EGFR: variants seen among roughly 807,000 people sequenced by gnomAD.
EGFR encodes avian erythroblastic leukemia viral (v-erb-b) oncogene homolog.
A neutral mutation model predicts 143.0 loss-of-function variants in EGFR; 58 were observed. The ratio of observed to expected loss-of-function variants is 0.41; its 90% CI spans 0.33 to 0.50. The LOEUF (loss-of-function observed/expected upper bound fraction) is 0.50, where lower values mean the gene tolerates loss of function less well. EGFR is among the 20% of genes least tolerant of loss of function. The pLI is 0.39. For synonymous variants in EGFR, 613 were observed against 594.4 expected (o/e 1.03, Z -0.45); for missense variants, 1,307 against 1,579.0 (o/e 0.83, Z 2.92).
At position 55,187,119 on chromosome 7, in the gene EGFR, G is replaced by T. The variant is rs1787173000; in HGVS notation, c.2470-4600G>T. On this transcript the variant is annotated intron_variant, in intron 20 of 27. Transcript: ENST00000275493. ...GCTGAGGACAGGGAGGAAACCACCA[G>T]ATAAGGGACACTGGGGAGGAGGGGT... Among the ~76,000 whole-genome samples the T allele has an allele frequency of 3.9e-5, 6 of 152,326 alleles. No homozygotes were observed. The South Asian group carries it at 1.2e-3, about 32-fold the overall frequency.
chr7:55,191,900 A>G, intron 21 of EGFR, 26 bp downstream of exon 21: 1 of 1,612,268 alleles, frequency 6.2e-7, no homozygotes. Flanking sequence ...TAGGTCAGCC[A>G]GCATTTTCCT....
At chr7:55,124,277 G>A (rs1032591930) in intron 1 of EGFR, among the ~76,000 whole-genome samples, 3 of 152,114 alleles carry the variant, frequency 2.0e-5, no homozygotes, top group African/African-American at 7.2e-5. Flanking sequence ...TTATTGATAT[G>A]AGTATATTTC....
chr7:55,187,042 G>A (rs755956622), intron 20 of EGFR, among the ~76,000 whole-genome samples: 17 of 152,168 alleles, frequency 1.1e-4, no homozygotes, highest in Admixed American at 1.3e-4. Context: ...AGTTGGCTGC[G>A]GACAGGGCGT....
chr7:55,164,199 A>G (rs547212749), intron 14 of EGFR, among the ~76,000 whole-genome samples: 6 of 152,366 alleles, frequency 3.9e-5, no homozygotes, highest in Admixed American at 2.6e-4. Flanking sequence ...AGAATTTTTA[A>G]AGAAATTGCT....
chr7:55,204,650 A>ACACCACACACACG (rs1788032553), intron 27 of EGFR, among the ~76,000 whole-genome samples: 1 of 138,804 alleles, frequency 7.2e-6, no homozygotes, highest in Non-Finnish European at 1.6e-5. Context: ...ATACATACAC[A>ACACCACACACACG]TACACACACC....
chr7:55,147,430 T>C (rs1183764551), intron 4 of EGFR, among the ~76,000 whole-genome samples: 1 of 151,276 alleles, frequency 6.6e-6, no homozygotes, highest in Non-Finnish European at 1.5e-5. Context: ...TTCTTTAGAG[T>C]AAGAAGTGAT....
intron 1 of EGFR, among the ~76,000 whole-genome samples, chr7:55,044,748 C>A (rs888193832): frequency 6.6e-6 from 1 of 152,204 alleles, no homozygotes; most frequent in African/African-American, 2.4e-5. Flanking sequence ...TCCTAAAATA[C>A]AATAATTTCT....
intron 1 of EGFR, among the ~76,000 whole-genome samples, chr7:55,127,362 A>G (rs1378349091): frequency 6.6e-6 from 1 of 152,184 alleles, no homozygotes; most frequent in Non-Finnish European, 1.5e-5. Flanking sequence ...AGTAATTCTA[A>G]AAATTGATGC....
At chr7:55,153,934 AC>A in intron 6 of EGFR, 76 bp from the exon 7 acceptor site, 1 of 1,606,346 alleles carries the variant, frequency 6.2e-7, no homozygotes, top group Non-Finnish European at 8.5e-7. Flanking sequence ...GGGAGTCAAC[AC>A]CGTGCTGCGC....
At chr7:55,125,898 T>G (rs927200558) in intron 1 of EGFR, among the ~76,000 whole-genome samples, 1 of 152,230 alleles carries the variant, frequency 6.6e-6, no homozygotes, top group African/African-American at 2.4e-5. Context: ...CTCAGTGCCT[T>G]TCAAATGAAA....
In EGFR at chr7:55,181,364, C is replaced by G. The variant is rs148188503; in HGVS notation, c.2355C>G (p.Thr785=). ...CRLLGICLTS[T]VQLITQLMPF... ...TGCTGGGCATCTGCCTCACCTCCAC[C>G]GTGCAGCTCATCACGCAGCTCATGC... Residue 785 remains threonine, a synonymous_variant, in exon 20 of 28, where the codon ACC becomes ACG. Transcript: ENST00000275493. The G allele has an allele frequency of 6.2e-7, 1 of 1,614,226 alleles. No homozygotes were observed. The highest frequency in any genetic ancestry group is 1.1e-5 in the South Asian group (1 of 91,086).
At chr7:55,204,231 TACACACACACC>T (rs1562809230) in intron 27 of EGFR, among the ~76,000 whole-genome samples, 1 of 128,520 alleles carries the variant, frequency 7.8e-6, no homozygotes, top group South Asian at 2.7e-4. Context: ...TACACAAACG[TACACACACACC>T]ACACACACAT....
chr7:55,178,037 CT>C (rs1786678446), intron 19 of EGFR, among the ~76,000 whole-genome samples: 1 of 152,198 alleles, frequency 6.6e-6, no homozygotes, highest in Non-Finnish European at 1.5e-5. Context: ...GCTCCAGGCT[CT>C]GTGTGGCCGA....
At chr7:55,192,886 C>G (rs1787463366) in intron 22 of EGFR, 45 bp downstream of exon 22, 2 of 1,567,460 alleles carry the variant, frequency 1.3e-6, no homozygotes, top group African/African-American at 2.7e-5. Context: ...TGAGGCCAAG[C>G]TGGCTTTTAT....
chr7:55,093,611 A>C (rs796800430), intron 1 of EGFR, among the ~76,000 whole-genome samples: 1 of 152,210 alleles, frequency 6.6e-6, no homozygotes, highest in Non-Finnish European at 1.5e-5. Flanking sequence ...TTTCATAGAA[A>C]TGGTCATTTC....
intron 14 of EGFR, among the ~76,000 whole-genome samples, chr7:55,165,047 T>C (rs1478873275): frequency 6.6e-6 from 1 of 152,206 alleles, no homozygotes; most frequent in Non-Finnish European, 1.5e-5. Context: ...ATCATTTCTT[T>C]CATGCTGGTG....
At chr7:55,105,964 T>A (rs1254936693) in intron 1 of EGFR, among the ~76,000 whole-genome samples, 14 of 152,210 alleles carry the variant, frequency 9.2e-5, no homozygotes, top group Non-Finnish European at 1.8e-4. Flanking sequence ...ATTTTAAGCA[T>A]AACATGAGAA....
chr7:55,156,046 A>G (rs1785403749), intron 8 of EGFR, 100 bp downstream of exon 8: 2 of 844,732 alleles, frequency 2.4e-6, no homozygotes, highest in Non-Finnish European at 4.0e-6. Flanking sequence ...TTCTCATTAA[A>G]AAACAACTAT....
chr7:55,170,720 G>A (rs1234237538), intron 15 of EGFR: 17 of 1,502,754 alleles, frequency 1.1e-5, no homozygotes, highest in East Asian at 2.4e-5. Context: ...CTTCCTCCTC[G>A]CTGCCAGATG....
Sources: gnomAD v4.1 joint callset for allele counts (sites outside exome capture counted in the v4.1 genomes callset) on GRCh38, gnomAD v4.1.1 for gene constraint, MANE v1.5 for transcripts, NCBI Gene and HGNC (gene_info 2026-07-23, HGNC 2026-07-21) for gene names.